Variants in ITGA8 observed in about 807,000 individuals in gnomAD.
The protein encoded by ITGA8 is integrin subunit alpha 8.
A neutral mutation model predicts 142.3 loss-of-function variants in ITGA8; 91 were observed. That is an observed-to-expected ratio of 0.64 (90% CI 0.54 to 0.76). The LOEUF (loss-of-function observed/expected upper bound fraction) is 0.76, where lower values mean the gene tolerates loss of function less well. Ranked by LOEUF, ITGA8 falls within the 30% of genes least tolerant of loss-of-function variation. ITGA8 has a pLI of 0.00. For synonymous variants in ITGA8, 505 were observed against 485.2 expected (o/e 1.04, Z -0.54); for missense variants, 1,406 against 1,327.7 (o/e 1.06, Z -0.92).
At chr10:15,538,371 G>T (rs1588631626) in intron 27 of ITGA8, among the ~76,000 whole-genome samples, 1 of 152,056 alleles carries the variant, frequency 6.6e-6, no homozygotes, top group Non-Finnish European at 1.5e-5. Context: ...AATCAGCTGG[G>T]CATGATGGCG....
chr10:15,655,406 T>C lies in ITGA8; in HGVS notation c.949A>G (p.Met317Val). 6.2e-7 allele frequency: 1 copy of C among 1,609,196 alleles called. No individual in the cohort carries two copies. Among genetic ancestry groups the C allele is most frequent in the African/African-American group, 1.3e-5 (1 of 74,910 alleles). Reference protein sequence around the residue: ...TFIQNFTGEQMASYFGYTVVV... With the variant: ...TFIQNFTGEQVASYFGYTVVV... The stretch of plus-strand genomic sequence containing the variant: ...ACGGTATATCCAAAATAAGATGCCA[T>C]CTGCAAAGGAAAATCAGGAGATGAC... The change falls in exon 11 of 30, where the codon ATG becomes GTG. Residue 317 changes from methionine to valine, a missense_variant and splice_region_variant. By Grantham distance (21) the Met-to-Val change is conservative. Coordinates refer to ENST00000378076, the MANE Select transcript of ITGA8 (RefSeq NM_003638.3).
chr10:15,613,648 G>T lies in ITGA8; in HGVS notation c.1553+12C>A. On this transcript the variant is annotated intron_variant, in intron 15 of 29. Coordinates refer to ENST00000378076, the MANE Select transcript of ITGA8 (RefSeq NM_003638.3). ...TTCACATTGGAGTTTGAGAAGCACC[G>T]GACTAACTCACCAGGCAGCAGATGT... The T allele has an allele frequency of 1.3e-6, 2 of 1,551,072 alleles. No individual in the cohort carries two copies. Among genetic ancestry groups the T allele is most frequent in the Admixed American group, 1.7e-5 (1 of 59,874 alleles).
At chr10:15,627,520 G>A (rs1247055281) in intron 13 of ITGA8, among the ~76,000 whole-genome samples, 1 of 152,148 alleles carries the variant, frequency 6.6e-6, no homozygotes, top group South Asian at 2.1e-4. Context: ...ATCTAAAAGG[G>A]TTGGCATATA....
intron 13 of ITGA8, among the ~76,000 whole-genome samples, chr10:15,618,060 C>T (rs1833426105): frequency 6.6e-6 from 1 of 152,032 alleles, no homozygotes; most frequent in South Asian, 2.1e-4. Flanking sequence ...TAATGATAGC[C>T]ACTGGGGACT....
intron 27 of ITGA8, among the ~76,000 whole-genome samples, chr10:15,544,390 C>A (rs1833631117): frequency 6.6e-6 from 1 of 152,180 alleles, no homozygotes; most frequent in African/African-American, 2.4e-5. Context: ...GTAGTTTATT[C>A]CTCAGAGCCT....
intron 21 of ITGA8, among the ~76,000 whole-genome samples, chr10:15,593,529 A>T (rs943479432): frequency 2.0e-5 from 3 of 152,204 alleles, no homozygotes; most frequent in Admixed American, 2.0e-4. Flanking sequence ...GCTAACTTTC[A>T]AATCTGTTAT....
intron 2 of ITGA8, among the ~76,000 whole-genome samples, chr10:15,691,304 A>G (rs1247401088): frequency 1.3e-5 from 2 of 152,228 alleles, no homozygotes; most frequent in Admixed American, 1.3e-4. Context: ...AAAATTAAAC[A>G]TAGAGCTACC....
chr10:15,639,460 T>A (rs1227945786), intron 13 of ITGA8, among the ~76,000 whole-genome samples: 1 of 152,170 alleles, frequency 6.6e-6, no homozygotes, highest in East Asian at 1.9e-4. Flanking sequence ...GCATTCAGCT[T>A]TATTAACAAG....
intron 2 of ITGA8, among the ~76,000 whole-genome samples, chr10:15,689,471 C>T (rs1458301444): frequency 6.6e-6 from 1 of 152,134 alleles, no homozygotes; most frequent in Non-Finnish European, 1.5e-5. Flanking sequence ...GAGCAGGAGG[C>T]CTCCTGAGCC....
chr10:15,629,850 C>T (rs1431980040), intron 13 of ITGA8, among the ~76,000 whole-genome samples: 2 of 152,032 alleles, frequency 1.3e-5, no homozygotes, highest in Non-Finnish European at 2.9e-5. Flanking sequence ...ATCTCTTGAA[C>T]CCGGGAAGCA....
At chr10:15,684,247 C>T (rs111498885) in intron 3 of ITGA8, 120 bp from the exon 4 acceptor site, 1 of 1,001,552 alleles carries the variant, frequency 1.0e-6, no homozygotes, top group South Asian at 1.8e-5. Flanking sequence ...TGGCCTCTAG[C>T]ATGCTAATGA....
intron 11 of ITGA8, among the ~76,000 whole-genome samples, chr10:15,647,307 T>C (rs1833999985): frequency 6.6e-6 from 1 of 152,184 alleles, no homozygotes; most frequent in Admixed American, 6.5e-5. Flanking sequence ...CCACAGATAT[T>C]TTACCATTTT....
chr10:15,659,097 G>C, intron 9 of ITGA8, 42 bp from the exon 10 acceptor site: 3 of 1,354,322 alleles, frequency 2.2e-6, no homozygotes. Context: ...ATTTGCCATA[G>C]AATTGGAGCC....
rs71374638 is a variant in ITGA8, at chr10:15,680,216, C to CTTTTTTTTTTT, written c.569-1444_569-1434dup. ...CACCATCAATTTTTTCCAGATGCTCCTTTTTTTTTTTTTTTTTTTTTTTTT... is the reference window on the plus strand; with the variant it reads ...CACCATCAATTTTTTCCAGATGCTCCTTTTTTTTTTTTTTTTTTTTTTTTTTTTTTTTTTTT... On this transcript the variant is annotated intron_variant, in intron 4 of 29. Coordinates refer to ENST00000378076, the MANE Select transcript of ITGA8 (RefSeq NM_003638.3). 2.6e-4 allele frequency among the ~76,000 whole-genome samples: 14 copies of CTTTTTTTTTTT among 54,276 alleles called. 1 individual carries two copies. The highest frequency in any genetic ancestry group is 1.1e-3 in the African/African-American group (13 of 12,064). 35.6% of individuals were successfully genotyped at this position (54,276 alleles called of 152,430 possible).
chr10:15,647,153 C>T (rs369237299), intron 11 of ITGA8, 102 bp from the exon 12 acceptor site: 4 of 872,900 alleles, frequency 4.6e-6, no homozygotes, highest in East Asian at 4.9e-5. Flanking sequence ...TGGTATTTTT[C>T]CTTTTCTGAG....
At chr10:15,604,405 C>A in intron 19 of ITGA8, 50 bp from the exon 20 acceptor site, 4 of 1,445,120 alleles carry the variant, frequency 2.8e-6, no homozygotes, top group Non-Finnish European at 2.8e-6. Context: ...TTCTTGGCTT[C>A]GTGAATATTT....
intron 13 of ITGA8, among the ~76,000 whole-genome samples, chr10:15,618,285 A>T (rs2131620991): frequency 6.6e-6 from 1 of 152,312 alleles, no homozygotes; most frequent in South Asian, 2.1e-4. Flanking sequence ...ACAGAAGAAG[A>T]CTTACAACAG....
chr10:15,717,363 T>C (rs1442612648), intron 2 of ITGA8, among the ~76,000 whole-genome samples: 2 of 152,224 alleles, frequency 1.3e-5, no homozygotes, highest in Non-Finnish European at 2.9e-5. Flanking sequence ...GATTCGGATA[T>C]GAATTATTAA....
At chr10:15,608,550 CAATT>C (rs938518426) in intron 15 of ITGA8, among the ~76,000 whole-genome samples, 10 of 152,208 alleles carry the variant, frequency 6.6e-5, no homozygotes, top group Admixed American at 6.5e-4. Context: ...ATCAGTTGCT[CAATT>C]AGTCAATTAC....
Sources: gnomAD v4.1 joint callset for allele counts (sites outside exome capture counted in the v4.1 genomes callset) on GRCh38, gnomAD v4.1.1 for gene constraint, MANE v1.5 for transcripts, NCBI Gene and HGNC (gene_info 2026-07-23, HGNC 2026-07-21) for gene names.